EXT1: variants seen among roughly 807,000 people sequenced by gnomAD.
EXT1 encodes exostosin glycosyltransferase 1, also known as exostosin-1.
Under a neutral mutation model 82.5 loss-of-function variants are expected in EXT1, and 20 were observed. That is an observed-to-expected ratio of 0.24 (90% CI 0.17 to 0.35). The LOEUF (loss-of-function observed/expected upper bound fraction) is 0.35. Among genes scored for constraint, EXT1 ranks in the 10% least tolerant of loss-of-function variants. EXT1 has a pLI of 1.00. For missense variants in EXT1, 757 were observed against 936.5 expected (o/e 0.81, Z 2.50); for synonymous variants, 348 against 350.8 (o/e 0.99, Z 0.09).
At chr8:118,048,437 T>C (rs983664691) in intron 1 of EXT1, among the ~76,000 whole-genome samples, 1 of 152,206 alleles carries the variant, frequency 6.6e-6, no homozygotes, top group African/African-American at 2.4e-5. Flanking sequence ...GTCTCTAAGG[T>C]ATCACCTGTT....
At chr8:117,888,035 A>C (rs1011791774) in intron 1 of EXT1, among the ~76,000 whole-genome samples, 3 of 151,840 alleles carry the variant, frequency 2.0e-5, no homozygotes, top group African/African-American at 7.3e-5. Context: ...CGGTAAGCTG[A>C]GATCACGCCA....
At chr8:117,895,580 A>G (rs1813320294) in intron 1 of EXT1, among the ~76,000 whole-genome samples, 1 of 152,220 alleles carries the variant, frequency 6.6e-6, no homozygotes, top group African/African-American at 2.4e-5. Flanking sequence ...GTGTTATACG[A>G]AAATGTTACT....
Position 117,887,824 on chromosome 8 carries a change from G to A in EXT1, c.963-50623C>T, listed in dbSNP as rs569635231. 5.0e-4 allele frequency among the ~76,000 whole-genome samples: 75 copies of A among 151,192 alleles called. No individual in the cohort carries two copies. The South Asian group carries it at 0.013, about 27-fold the overall frequency. ...TCTCGGGCCTGGCACGGTGACTCAC[G>A]CCTGTAATCCCAGCACTTTGGGAGT... On this transcript the variant is annotated intron_variant, in intron 1 of 10. Transcript: ENST00000378204.
At chr8:117,965,659 CTG>C (rs1298564812) in intron 1 of EXT1, among the ~76,000 whole-genome samples, 5 of 152,162 alleles carry the variant, frequency 3.3e-5, no homozygotes, top group Non-Finnish European at 4.4e-5. Context: ...TAGATAGAAA[CTG>C]TGAAAACACT....
At chr8:118,023,402 T>A (rs1040283662) in intron 1 of EXT1, among the ~76,000 whole-genome samples, 1 of 152,208 alleles carries the variant, frequency 6.6e-6, no homozygotes, top group African/African-American at 2.4e-5. Flanking sequence ...TAATAGCAAA[T>A]ACTTCTTCCT....
intron 1 of EXT1, among the ~76,000 whole-genome samples, chr8:118,066,964 C>T (rs960375140): frequency 1.3e-5 from 2 of 152,166 alleles, no homozygotes; most frequent in Non-Finnish European, 2.9e-5. Context: ...GCTTAACAAA[C>T]GTCTGCTCAT....
At chr8:117,977,189 C>A (rs1480568311) in intron 1 of EXT1, among the ~76,000 whole-genome samples, 1 of 151,996 alleles carries the variant, frequency 6.6e-6, no homozygotes, top group Admixed American at 6.6e-5. Flanking sequence ...GAGTTTGAGA[C>A]CAGCCTGGCT....
intron 1 of EXT1, among the ~76,000 whole-genome samples, chr8:118,033,219 T>G (rs149225391): frequency 9.5e-4 from 145 of 152,288 alleles, no homozygotes; most frequent in Non-Finnish European, 1.7e-3. Context: ...CTTTTGTTGT[T>G]TGTGAGTTAA....
chr8:117,825,160 C>T (rs906590274), intron 4 of EXT1, among the ~76,000 whole-genome samples: 3 of 152,204 alleles, frequency 2.0e-5, no homozygotes, highest in African/African-American at 7.2e-5. Context: ...GTGTGAGCCA[C>T]CGCTCCAGAC....
At chr8:118,048,669 A>G (rs1018002081) in intron 1 of EXT1, among the ~76,000 whole-genome samples, 15 of 152,226 alleles carry the variant, frequency 9.9e-5, no homozygotes, top group African/African-American at 3.1e-4. Flanking sequence ...TGTCTACTAT[A>G]ATATTTGTAT....
intron 1 of EXT1, among the ~76,000 whole-genome samples, chr8:118,037,488 G>A (rs1253512175): frequency 6.6e-6 from 1 of 151,538 alleles, no homozygotes; most frequent in Non-Finnish European, 1.5e-5. Context: ...TGGGATTACA[G>A]GTTTGAGCCA....
Position 117,835,540 on chromosome 8 carries a change from G to C in EXT1, c.1068C>G (p.Val356=). ...RFLEALQAAC[V]PVMLSNGWEL... is the part of the protein sequence containing the mutation. ...CCCATCCATTGCTGAGCATCACAGG[G>C]ACGCAGGCAGCCTGAGCAAAAAAGG... Residue 356 remains valine (V), a synonymous_variant, in exon 3 of 11, where the codon GTC becomes GTG. Coordinates refer to ENST00000378204, the MANE Select transcript of EXT1 (RefSeq NM_000127.3). 1 of 1,613,966 alleles carries C rather than the reference G, an allele frequency of 6.2e-7. No individual in the cohort carries two copies. Among genetic ancestry groups the C allele is most frequent in the Non-Finnish European group, 8.5e-7 (1 of 1,179,856 alleles).
At chr8:117,953,643 T>C (rs1487790630) in intron 1 of EXT1, among the ~76,000 whole-genome samples, 1 of 152,148 alleles carries the variant, frequency 6.6e-6, no homozygotes, top group Non-Finnish European at 1.5e-5. Context: ...GAGTGTGTTA[T>C]GCAGCCATGT....
chr8:117,819,594 C>CG (rs964098817), intron 6 of EXT1, 82 bp downstream of exon 6: 15 of 1,204,278 alleles, frequency 1.2e-5, no homozygotes, highest in Non-Finnish European at 1.6e-5. Context: ...CTGGGGAGCC[C>CG]GGGGGATAAC....
At chr8:117,958,861 T>C (rs887024155) in intron 1 of EXT1, among the ~76,000 whole-genome samples, 8 of 152,192 alleles carry the variant, frequency 5.3e-5, no homozygotes, top group Admixed American at 3.9e-4. Context: ...AAATATGCCA[T>C]TTCTCTCACA....
At chr8:117,862,222 C>T (rs765752165) in intron 1 of EXT1, among the ~76,000 whole-genome samples, 5 of 145,436 alleles carry the variant, frequency 3.4e-5, no homozygotes, top group Admixed American at 2.1e-4. Flanking sequence ...AATGCAGCCA[C>T]GCAATTCAAC....
chr8:117,814,749 G>T (rs1371106442), intron 7 of EXT1, among the ~76,000 whole-genome samples: 1 of 152,186 alleles, frequency 6.6e-6, no homozygotes, highest in Non-Finnish European at 1.5e-5. Flanking sequence ...GCCAGGGAAA[G>T]AAGCAACTTA....
At chr8:117,822,264 G>T (rs1811937085) in intron 5 of EXT1, among the ~76,000 whole-genome samples, 1 of 152,158 alleles carries the variant, frequency 6.6e-6, no homozygotes, top group African/African-American at 2.4e-5. Context: ...GCACAGATAA[G>T]AAGTTTTTCT....
chr8:117,864,198 A>G (rs1812733743), intron 1 of EXT1, among the ~76,000 whole-genome samples: 1 of 152,150 alleles, frequency 6.6e-6, no homozygotes. Flanking sequence ...AAATCAGAAA[A>G]ATTTTTAAAA....
Sources: gnomAD v4.1 joint callset for allele counts (sites outside exome capture counted in the v4.1 genomes callset) on GRCh38, gnomAD v4.1.1 for gene constraint, MANE v1.5 for transcripts, NCBI Gene and HGNC (gene_info 2026-07-23, HGNC 2026-07-21) for gene names.